Variants in NSUN3 observed in about 807,000 individuals in gnomAD.
The protein encoded by NSUN3 is tRNA (cytosine(34)-C(5))-methyltransferase, mitochondrial.
Under a neutral mutation model 36.8 loss-of-function variants are expected in NSUN3, and 24 were observed. The observed-to-expected ratio is 0.65, with a 90% CI of 0.47 to 0.92. The LOEUF is 0.92. NSUN3 is among the 40% of genes least tolerant of loss of function. The pLI, the probability that NSUN3 is intolerant of heterozygous loss-of-function variation, is 0.00. For missense variants in NSUN3, 381 were observed against 392.8 expected (o/e 0.97, Z 0.25); for synonymous variants, 146 against 145.2 (o/e 1.01, Z -0.04).
intron 5 of NSUN3, among the ~76,000 whole-genome samples, chr3:94,125,125 T>C (rs1311390106): frequency 6.6e-6 from 1 of 152,252 alleles, no homozygotes; most frequent in African/African-American, 2.4e-5. Flanking sequence ...CATTCTGTTA[T>C]GGATATTGTA....
chr3:94,119,814 C>T (rs949655002), intron 5 of NSUN3, among the ~76,000 whole-genome samples: 1 of 152,214 alleles, frequency 6.6e-6, no homozygotes, highest in African/African-American at 2.4e-5. Flanking sequence ...AACAGCAAGA[C>T]CATTTGACAG....
chr3:94,091,130 T>C (rs1434844233), intron 3 of NSUN3, among the ~76,000 whole-genome samples: 1 of 152,158 alleles, frequency 6.6e-6, no homozygotes, highest in African/African-American at 2.4e-5. Flanking sequence ...TCAGAAAGTA[T>C]GCTTCGAAAT....
intron 3 of NSUN3, 34 bp from the exon 4 acceptor site, chr3:94,094,106 C>T: frequency 2.0e-6 from 3 of 1,499,842 alleles, no homozygotes; most frequent in Non-Finnish European, 2.7e-6. Context: ...GTTCCATTGC[C>T]TTCATTTGAA....
At chr3:94,095,742 TG>T (rs1266973858) in intron 5 of NSUN3, among the ~76,000 whole-genome samples, 1 of 151,904 alleles carries the variant, frequency 6.6e-6, no homozygotes, top group Non-Finnish European at 1.5e-5. Flanking sequence ...CAAATTTTTT[TG>T]TTTGTTTGTT....
rs867455846 is a variant in NSUN3 at position 94,100,261 on chromosome 3, A to G, written c.743+5107A>G. On this transcript the variant is annotated intron_variant, in intron 5 of 5. Transcript: ENST00000314622. ...TTGTCTGTTGACAGATATGGTGCTC[A>G]AAGATACTTTATACACGTGAGAACT... Among the ~76,000 whole-genome samples, 6 of 152,338 alleles carry G rather than the reference A, an allele frequency of 3.9e-5. No homozygotes were observed. In the Middle Eastern group the frequency reaches 0.014, roughly 345 times the overall value.
At chr3:94,063,549 C>CGAGGA (rs1018256276) in intron 1 of NSUN3, among the ~76,000 whole-genome samples, 112 of 152,264 alleles carry the variant, frequency 7.4e-4, no homozygotes, top group African/African-American at 2.6e-3. Context: ...TTTAAAATAA[C>CGAGGA]GTTGCAAAGA....
chr3:94,063,151 G>A lies in NSUN3; in HGVS notation c.12+13G>A, dbSNP rs1408061653. 3 of 1,613,712 alleles carry A rather than the reference G, an allele frequency of 1.9e-6. No individual in the cohort carries two copies. The highest frequency in any genetic ancestry group is 2.2e-5 in the South Asian group (2 of 91,058). On this transcript the variant is annotated intron_variant, in intron 1 of 5. Transcript: ENST00000314622. ...AATGCTGACCCAGGTGAGACCTGGG[G>A]CCCGGCTGGGTACCTCTATCTGAAT...
chr3:94,098,195 A>G (rs1000367508), intron 5 of NSUN3, among the ~76,000 whole-genome samples: 6 of 152,066 alleles, frequency 3.9e-5, no homozygotes, highest in Non-Finnish European at 7.4e-5. Flanking sequence ...CCTTTTTCTC[A>G]TATATTCAAT....
At chr3:94,099,308 A>T (rs916244085) in intron 5 of NSUN3, among the ~76,000 whole-genome samples, 5 of 152,164 alleles carry the variant, frequency 3.3e-5, no homozygotes, top group African/African-American at 1.2e-4. Flanking sequence ...AATCATTCAC[A>T]TGCATAAACC....
intron 2 of NSUN3, among the ~76,000 whole-genome samples, chr3:94,067,067 G>A (rs1318357558): frequency 6.6e-6 from 1 of 152,088 alleles, no homozygotes; most frequent in Non-Finnish European, 1.5e-5. Context: ...TGAGGCCTGG[G>A]GACCACAGGT....
At position 94,129,855 on chromosome 3, in the gene NSUN3, G is replaced by A. The variant is rs2077502981; in HGVS notation, c.*3365G>A. Reference sequence around the variant, plus strand: ...TGCAACCTCTGCCTCCCGGGTTCAAGCAGTTTTCTGCCTCAGCCTCCCAAG... The same window carrying A: ...TGCAACCTCTGCCTCCCGGGTTCAAACAGTTTTCTGCCTCAGCCTCCCAAG... On this transcript the variant is annotated 3_prime_UTR_variant, in exon 6 of 6. Transcript: ENST00000314622. Among the ~76,000 whole-genome samples, 2 of 145,332 alleles carry A rather than the reference G, an allele frequency of 1.4e-5. No homozygotes were observed. The highest frequency in any genetic ancestry group is 7.2e-5 in the Admixed American group (1 of 13,966).
chr3:94,093,081 A>G (rs1055835212), intron 3 of NSUN3, among the ~76,000 whole-genome samples: 1 of 152,094 alleles, frequency 6.6e-6, no homozygotes, highest in Non-Finnish European at 1.5e-5. Flanking sequence ...AGCACAGAGT[A>G]TACTGGGGAA....
At chr3:94,097,661 G>T (rs552938654) in intron 5 of NSUN3, among the ~76,000 whole-genome samples, 115 of 152,296 alleles carry the variant, frequency 7.6e-4, no homozygotes, top group African/African-American at 2.7e-3. Context: ...GGCTATACCA[G>T]TTTATACTCC....
In NSUN3 at chr3:94,082,819, C is replaced by G. The variant is rs887885474; in HGVS notation, c.123-1288C>G. Among the ~76,000 whole-genome samples, 6 of 152,326 alleles carry G rather than the reference C, an allele frequency of 3.9e-5. No homozygotes were observed. In the East Asian group the frequency reaches 1.2e-3, roughly 29 times the overall value. On this transcript the variant is annotated intron_variant, in intron 2 of 5. Transcript: ENST00000314622. ...GCTGCTGGGGGAAAGCCTGCACCAT[C>G]AATCCATAAGTGGTTTTTAAATCAT... is the stretch of plus-strand genomic sequence containing the variant.
intron 3 of NSUN3, among the ~76,000 whole-genome samples, chr3:94,092,620 T>G (rs1399141786): frequency 1.3e-5 from 2 of 151,998 alleles, no homozygotes; most frequent in Non-Finnish European, 2.9e-5. Context: ...TATGGAGCCC[T>G]GGGCCTGGCA....
intron 5 of NSUN3, among the ~76,000 whole-genome samples, chr3:94,104,249 C>G (rs193283883): frequency 7.8e-4 from 119 of 152,322 alleles, no homozygotes; most frequent in Non-Finnish European, 1.0e-3. Flanking sequence ...ATACCCAATA[C>G]TGGTAGCAAG....
chr3:94,068,287 A>G (rs2077213097), intron 2 of NSUN3, among the ~76,000 whole-genome samples: 1 of 152,202 alleles, frequency 6.6e-6, no homozygotes, highest in African/African-American at 2.4e-5. Context: ...ATGATTAACC[A>G]CTTCATCAAG....
rs1338927191 is a variant in NSUN3, at chr3:94,076,704, G to A, written c.123-7403G>A. ...TCTCCAGAAAGATCTGGTTTAGGAT[G>A]TTTTGTATAGTCCAAGATAAGAACA... On this transcript the variant is annotated intron_variant, in intron 2 of 5. Transcript: ENST00000314622. 3.9e-6 allele frequency: 5 copies of A among 1,289,292 alleles called. No homozygotes were observed. The African/African-American group carries it at 7.3e-5, about 19-fold the overall frequency. 79.9% of individuals were successfully genotyped at this position (1,289,292 alleles called of 1,614,324 possible).
intron 2 of NSUN3, among the ~76,000 whole-genome samples, chr3:94,066,858 G>T (rs1034165366): frequency 6.6e-6 from 1 of 152,076 alleles, no homozygotes; most frequent in African/African-American, 2.4e-5. Flanking sequence ...ATCACCATCA[G>T]TCTGGTTTCC....
Sources: gnomAD v4.1 joint callset for allele counts (sites outside exome capture counted in the v4.1 genomes callset) on GRCh38, gnomAD v4.1.1 for gene constraint, MANE v1.5 for transcripts, NCBI Gene and HGNC (gene_info 2026-07-23, HGNC 2026-07-21) for gene names.